Variants in ANTXR1 observed in about 807,000 individuals in gnomAD.
ANTXR1 encodes anthrax toxin receptor 1.
Under a neutral mutation model 78.1 loss-of-function variants are expected in ANTXR1, and 19 were observed. The observed-to-expected ratio is 0.24, with a 90% CI of 0.17 to 0.36. The LOEUF is 0.36. ANTXR1 is among the 10% of genes least tolerant of loss of function. The pLI is 1.00. For synonymous variants in ANTXR1, 273 were observed against 260.5 expected, an observed-to-expected ratio of 1.05 and a Z score of -0.46; for missense variants, 518 against 718.6, an observed-to-expected ratio of 0.72 and a Z score of 3.19.
chr2:69,210,614 G>A (rs921324198), intron 17 of ANTXR1, among the ~76,000 whole-genome samples: 1 of 152,202 alleles, frequency 6.6e-6, no homozygotes, highest in Non-Finnish European at 1.5e-5. Context: ...CTCCTTAGTA[G>A]GGAATGGGGG....
intron 6 of ANTXR1, among the ~76,000 whole-genome samples, chr2:69,074,157 GACTT>G (rs1278962306): frequency 6.6e-6 from 1 of 152,154 alleles, no homozygotes; most frequent in Non-Finnish European, 1.5e-5. Flanking sequence ...ACTGGCAGAG[GACTT>G]AGAGAAATTA....
At chr2:69,098,899 T>G (rs1314736802) in intron 9 of ANTXR1, among the ~76,000 whole-genome samples, 3 of 152,174 alleles carry the variant, frequency 2.0e-5, no homozygotes, top group African/African-American at 7.2e-5. Flanking sequence ...GGCAGGAGAA[T>G]AGCTTTAACT....
intron 12 of ANTXR1, chr2:69,145,939 A>G (rs1429976630): frequency 9.1e-6 from 9 of 985,584 alleles, no homozygotes; most frequent in African/African-American, 3.5e-5. Context: ...GAAGTTCCAA[A>G]TGTATACCTT....
intron 1 of ANTXR1, among the ~76,000 whole-genome samples, chr2:69,022,634 T>C (rs2103996290): frequency 6.6e-6 from 1 of 152,334 alleles, no homozygotes; most frequent in Middle Eastern, 3.4e-3. Flanking sequence ...AGATCACAAC[T>C]TCAGAGGCCT....
At chr2:69,148,611 G>A (rs113606936) in intron 12 of ANTXR1, among the ~76,000 whole-genome samples, 2,262 of 152,284 alleles carry the variant, frequency 0.015, 43 homozygotes, top group Non-Finnish European at 0.025. Context: ...ATGAGTTAGC[G>A]TAAGGAAAGC....
intron 8 of ANTXR1, among the ~76,000 whole-genome samples, chr2:69,085,280 G>A (rs1558529242): frequency 6.6e-6 from 1 of 152,146 alleles, no homozygotes; most frequent in Non-Finnish European, 1.5e-5. Context: ...CCAAGAAAAG[G>A]GGTTGAGGCC....
At chr2:69,174,716 C>G (rs2104455300) in intron 14 of ANTXR1, among the ~76,000 whole-genome samples, 1 of 152,122 alleles carries the variant, frequency 6.6e-6, no homozygotes, top group East Asian at 1.9e-4. Context: ...GCAGAGATTC[C>G]TGGTGGATAT....
intron 3 of ANTXR1, among the ~76,000 whole-genome samples, chr2:69,045,969 CA>C (rs527687047): frequency 2.0e-5 from 3 of 152,270 alleles, no homozygotes; most frequent in African/African-American, 7.2e-5. Context: ...TTCTGTTCAA[CA>C]GAGAATCATA....
At chr2:69,187,772 G>T (rs147367133) in intron 16 of ANTXR1, among the ~76,000 whole-genome samples, 2 of 150,320 alleles carry the variant, frequency 1.3e-5, no homozygotes, top group Non-Finnish European at 3.0e-5. Flanking sequence ...ATTTTTTTTG[G>T]TACAGACTGG....
At chr2:69,227,504 G>T (rs1240712760) in intron 17 of ANTXR1, among the ~76,000 whole-genome samples, 2 of 152,308 alleles carry the variant, frequency 1.3e-5, no homozygotes, top group African/African-American at 4.8e-5. Flanking sequence ...GTCATCAGAA[G>T]GTTCCTTTCT....
chr2:69,213,326 C>T (rs745658059), intron 17 of ANTXR1, among the ~76,000 whole-genome samples: 23 of 152,268 alleles, frequency 1.5e-4, no homozygotes, highest in Non-Finnish European at 3.1e-4. Flanking sequence ...CATGGCTGGG[C>T]AGCCTATAAT....
chr2:69,249,048 C>T lies in ANTXR1; in HGVS notation c.*3563C>T, dbSNP rs1017017453. Reference sequence around the variant, plus strand: ...AGATAGTTATGGATCTTCAATGCCTCTGAGTCATTGTTATAAAAAATCAGT... The same window carrying T: ...AGATAGTTATGGATCTTCAATGCCTTTGAGTCATTGTTATAAAAAATCAGT... On this transcript the variant is annotated 3_prime_UTR_variant, in exon 18 of 18. Coordinates refer to ENST00000303714, the MANE Select transcript of ANTXR1 (RefSeq NM_032208.3). The T allele has an allele frequency of 1.3e-5, 2 of 152,210 alleles. No individual in the cohort carries two copies. The highest frequency in any genetic ancestry group is 2.4e-5 in the African/African-American group (1 of 41,454). 9.4% of individuals were successfully genotyped at this position (152,210 alleles called of 1,614,324 possible).
chr2:69,050,964 A>C (rs1197484640), intron 3 of ANTXR1, among the ~76,000 whole-genome samples: 1 of 151,802 alleles, frequency 6.6e-6, no homozygotes, highest in Non-Finnish European at 1.5e-5. Context: ...TCTGCTTCTT[A>C]TATTGCAAGT....
At chr2:69,170,112 G>A (rs1252133371) in intron 13 of ANTXR1, 136 bp from the exon 14 acceptor site, 9 of 882,388 alleles carry the variant, frequency 1.0e-5, no homozygotes, top group Non-Finnish European at 1.1e-5. Context: ...TCTCATGGCA[G>A]TGATTAAGCC....
chr2:69,148,632 A>G (rs1330802266), intron 12 of ANTXR1, among the ~76,000 whole-genome samples: 1 of 152,232 alleles, frequency 6.6e-6, no homozygotes, highest in East Asian at 1.9e-4. Context: ...ATGTTAGTAC[A>G]TAGAACACTG....
At chr2:69,051,742 CTGTTT>C (rs1190646584) in intron 3 of ANTXR1, among the ~76,000 whole-genome samples, 1 of 151,964 alleles carries the variant, frequency 6.6e-6, no homozygotes, top group African/African-American at 2.4e-5. Flanking sequence ...TCCACCATGA[CTGTTT>C]TATTTTAATT....
intron 10 of ANTXR1, among the ~76,000 whole-genome samples, chr2:69,113,851 T>C (rs933504187): frequency 2.6e-5 from 4 of 152,252 alleles, no homozygotes; most frequent in African/African-American, 9.6e-5. Context: ...TAGCAAGTTA[T>C]AGCTGTTTTA....
chr2:69,156,838 A>G (rs1279586770), intron 13 of ANTXR1, among the ~76,000 whole-genome samples: 1 of 152,222 alleles, frequency 6.6e-6, no homozygotes, highest in Admixed American at 6.5e-5. Flanking sequence ...GATGGCTGCA[A>G]TCAGCCAATC....
At chr2:69,051,976 T>C (rs1669945322) in intron 3 of ANTXR1, among the ~76,000 whole-genome samples, 1 of 152,158 alleles carries the variant, frequency 6.6e-6, no homozygotes, top group Non-Finnish European at 1.5e-5. Context: ...GTTGATATTT[T>C]GTGTAATTTT....
Sources: gnomAD v4.1 joint callset for allele counts (sites outside exome capture counted in the v4.1 genomes callset) on GRCh38, gnomAD v4.1.1 for gene constraint, MANE v1.5 for transcripts, NCBI Gene and HGNC (gene_info 2026-07-23, HGNC 2026-07-21) for gene names.